NUP133: variants seen among roughly 807,000 people sequenced by gnomAD.
NUP133 encodes nuclear pore complex protein Nup133.
A neutral mutation model predicts 146.2 loss-of-function variants in NUP133; 66 were observed. The observed-to-expected ratio is 0.45, with a 90% CI of 0.37 to 0.55. The LOEUF (loss-of-function observed/expected upper bound fraction) is 0.55. Among genes scored for constraint, NUP133 ranks in the 20% least tolerant of loss-of-function variants. NUP133 has a pLI of 0.00. For synonymous variants in NUP133, 521 were observed against 498.8 expected (o/e 1.04, Z -0.59); for missense variants, 1,277 against 1,374.8 (o/e 0.93, Z 1.12).
intron 21 of NUP133, among the ~76,000 whole-genome samples, chr1:229,453,641 T>C (rs1660504004): frequency 1.3e-5 from 2 of 152,364 alleles, no homozygotes; most frequent in South Asian, 2.1e-4. Flanking sequence ...AATTGAATAC[T>C]GTTAACACTT....
chr1:229,467,415 G>A (rs1302034665), intron 15 of NUP133, among the ~76,000 whole-genome samples: 1 of 152,138 alleles, frequency 6.6e-6, no homozygotes, highest in Admixed American at 6.6e-5. Context: ...CAGATTAGCT[G>A]CCCTCAAGGA....
chr1:229,465,312 C>T (rs961313641), intron 17 of NUP133, 108 bp downstream of exon 17: 9 of 852,928 alleles, frequency 1.1e-5, no homozygotes, highest in Non-Finnish European at 1.7e-5. Flanking sequence ...GGAGACGGCA[C>T]TTTTTCATTT....
Position 229,441,907 on chromosome 1 carries a change from T to C in NUP133, c.3468A>G (p.Ile1156Met). 6.4e-7 allele frequency: 1 copy of C among 1,563,876 alleles called. No individual in the cohort carries two copies. Among genetic ancestry groups the C allele is most frequent in the Non-Finnish European group, 8.6e-7 (1 of 1,162,520 alleles). ...CAATGGCCATTTTTAGAAAAAGTTATATTTGTCCCTGAACATAATATTCAT... is the reference window on the plus strand; with the variant it reads ...CAATGGCCATTTTTAGAAAAAGTTACATTTGTCCCTGAACATAATATTCAT... ...ANYEYYVQGQ[I>M] The change falls in exon 26 of 26, where the codon ATA becomes ATG. Residue 1156 changes from isoleucine to methionine, a missense_variant. By Grantham distance (10) the Ile-to-Met change is conservative. Around this residue, in one of 3 missense-constraint regions of NUP133, gnomAD observed 952 missense variants for 1,047.0 expected, o/e 0.91. Transcript: ENST00000261396.
intron 17 of NUP133, 119 bp from the exon 18 acceptor site, chr1:229,464,994 G>T: frequency 8.7e-7 from 1 of 1,144,010 alleles, no homozygotes; most frequent in Non-Finnish European, 1.3e-6. Context: ...ATTGAACAGG[G>T]ATTCAGGTGA....
chr1:229,455,195 C>T (rs1660534473), intron 21 of NUP133, among the ~76,000 whole-genome samples: 1 of 152,192 alleles, frequency 6.6e-6, no homozygotes, highest in Admixed American at 6.5e-5. Flanking sequence ...AGCCACATAA[C>T]CAGATATCCA....
intron 20 of NUP133, among the ~76,000 whole-genome samples, chr1:229,459,931 C>A (rs965937986): frequency 6.6e-6 from 1 of 152,158 alleles, no homozygotes; most frequent in African/African-American, 2.4e-5. Context: ...TTTTCAGGAA[C>A]CTCCATACAG....
chr1:229,479,707 T>A (rs150217395), intron 12 of NUP133, among the ~76,000 whole-genome samples: 190 of 152,290 alleles, frequency 1.2e-3, no homozygotes, highest in African/African-American at 4.4e-3. Context: ...ATGAAATATG[T>A]ACTGCTGCTG....
intron 20 of NUP133, among the ~76,000 whole-genome samples, chr1:229,459,545 C>T (rs1460458234): frequency 6.6e-6 from 1 of 151,888 alleles, no homozygotes; most frequent in Non-Finnish European, 1.5e-5. Flanking sequence ...GTATAACATC[C>T]CCTCACCCTT....
At chr1:229,452,423 G>A (rs542374024) in intron 22 of NUP133, 102 bp downstream of exon 22, 2 of 794,184 alleles carry the variant, frequency 2.5e-6, no homozygotes, top group Non-Finnish European at 3.8e-6. Context: ...AAGGTAGGCA[G>A]TAGAACAATA....
chr1:229,452,626 G>A lies in NUP133; in HGVS notation c.2998C>T (p.Arg1000Cys), dbSNP rs772706798. The A allele has an allele frequency of 9.9e-6, 16 of 1,611,296 alleles. No homozygotes were observed. Among genetic ancestry groups the A allele is most frequent in the East Asian group, 2.2e-5 (1 of 44,786 alleles). ...EKIEEMAEQE[R>C]FLLHQETLPE... ...AGGGTCTCCTGATGCAGTAGAAAGC[G>A]CTCCTGCTCAGCCATTTCTAGTATT... The change falls in exon 22 of 26, where the codon CGC (arginine) becomes TGC (cysteine). Residue 1000 changes from arginine to cysteine, a missense_variant. Transcript: ENST00000261396.
At chr1:229,493,137 A>C (rs1661565160) in intron 8 of NUP133, among the ~76,000 whole-genome samples, 1 of 152,154 alleles carries the variant, frequency 6.6e-6, no homozygotes, top group African/African-American at 2.4e-5. Flanking sequence ...AGATATCTAA[A>C]CTTTGTATTA....
At chr1:229,477,357 G>A (rs1020626238) in intron 13 of NUP133, among the ~76,000 whole-genome samples, 1 of 150,264 alleles carries the variant, frequency 6.7e-6, no homozygotes, top group Non-Finnish European at 1.5e-5. Context: ...GGAGAATGGC[G>A]TGAACCTGGG....
intron 19 of NUP133, 147 bp from the exon 20 acceptor site, chr1:229,460,916 A>G (rs1660677913): frequency 4.6e-6 from 3 of 655,026 alleles, no homozygotes; most frequent in Admixed American, 3.0e-5. Flanking sequence ...ACTTAATTCA[A>G]TCATCTCATT....
chr1:229,484,929 GTTTC>G (rs1661311417), intron 11 of NUP133, among the ~76,000 whole-genome samples: 2 of 151,976 alleles, frequency 1.3e-5, no homozygotes, highest in African/African-American at 4.8e-5. Context: ...GTTAAAAATT[GTTTC>G]TTTCCTTTAA....
At chr1:229,470,933 G>A (rs1660941799) in intron 14 of NUP133, 129 bp from the exon 15 acceptor site, 1 of 710,588 alleles carries the variant, frequency 1.4e-6, no homozygotes. Context: ...AGTCCCTCCA[G>A]CTGTCTCTTG....
chr1:229,486,471 T>A lies in NUP133; in HGVS notation c.1400A>T (p.Asn467Ile). The A allele has an allele frequency of 6.2e-7, 1 of 1,610,522 alleles. No individual in the cohort carries two copies. The highest frequency in any genetic ancestry group is 8.5e-7 in the Non-Finnish European group (1 of 1,178,898). The stretch of plus-strand genomic sequence containing the variant: ...TGAAGTAATAGACACCAGTCCACTG[T>A]TTCTAGAAAAAATGATAGGAACACC... ...CGGVPIIFSR[N>I]SGLVSITSRE... Residue 467 changes from asparagine (N) to isoleucine (I), a missense_variant, in exon 11 of 26, where the codon AAC becomes ATC. Physicochemically the swap from Asn to Ile is moderately radical, Grantham distance 149 (BLOSUM62 -3). Coordinates refer to ENST00000261396, the MANE Select transcript of NUP133 (RefSeq NM_018230.3).
chr1:229,490,198 C>A (rs1661471576), intron 8 of NUP133, 96 bp from the exon 9 acceptor site: 16 of 1,087,816 alleles, frequency 1.5e-5, no homozygotes, highest in Non-Finnish European at 2.0e-5. Flanking sequence ...ACTTAGCAAT[C>A]CCATTCGTGG....
chr1:229,506,024 G>A lies in NUP133; in HGVS notation c.301+16C>T. On this transcript the variant is annotated intron_variant, in intron 2 of 25. Coordinates refer to ENST00000261396, the MANE Select transcript of NUP133 (RefSeq NM_018230.3). ...TTTAAACTGCTAATATAGGTAAATG[G>A]AAAGATGACACCTACCTTCAGCCAA... is the stretch of plus-strand genomic sequence containing the variant. 7.0e-7 allele frequency: 1 copy of A among 1,435,576 alleles called. No homozygotes were observed. The highest frequency in any genetic ancestry group is 9.8e-7 in the Non-Finnish European group (1 of 1,018,496). The allele number at this position is 1,435,576 out of a possible 1,614,324, so 88.9% of individuals were successfully genotyped here.
In NUP133 at chr1:229,480,742, G is replaced by A. The variant is rs1051732647; in HGVS notation, c.1593-2982C>T. Among the ~76,000 whole-genome samples the A allele has an allele frequency of 3.9e-5, 6 of 152,076 alleles. No individual in the cohort carries two copies. In the South Asian group the frequency reaches 8.3e-4, roughly 21 times the overall value. ...AGCTTACAATGCACCGCTGGAGTGC[G>A]GTGACGGGATCTCGGCTCACTACAA... is the stretch of plus-strand genomic sequence containing the variant. On this transcript the variant is annotated intron_variant, in intron 12 of 25. Coordinates refer to ENST00000261396, the MANE Select transcript of NUP133 (RefSeq NM_018230.3).
Sources: gnomAD v4.1 joint callset for allele counts (sites outside exome capture counted in the v4.1 genomes callset) on GRCh38, gnomAD v4.1.1 for gene constraint, gnomAD v4.1.1 regional missense constraint, MANE v1.5 for transcripts, NCBI Gene and HGNC (gene_info 2026-07-23, HGNC 2026-07-21) for gene names.